The following NRG1 variants were observed in gnomAD, a reference collection of about 807,000 sequenced individuals.
The protein encoded by NRG1 is pro-neuregulin-1, membrane-bound isoform.
Under a neutral mutation model 63.8 loss-of-function variants are expected in NRG1, and 18 were observed. The observed-to-expected ratio is 0.28, with a 90% CI of 0.19 to 0.42. The LOEUF (loss-of-function observed/expected upper bound fraction) is 0.42. Ranked by LOEUF, NRG1 falls within the 10% of genes least tolerant of loss-of-function variation. NRG1 has a pLI of 1.00. For missense variants in NRG1, 762 were observed against 814.7 expected (o/e 0.94, Z 0.79); for synonymous variants, 302 against 301.3 (o/e 1.00, Z -0.02).
upstream of NRG1, among the ~76,000 whole-genome samples, chr8:32,547,979 A>T (rs1439149980): frequency 1.3e-5 from 2 of 152,060 alleles, no homozygotes; most frequent in African/African-American, 4.8e-5. Context: ...GGGAGCGGGC[A>T]GCGAGAGCCT....
intron 1 of NRG1, among the ~76,000 whole-genome samples, chr8:32,419,456 G>A (rs1227017695): frequency 6.6e-6 from 1 of 152,030 alleles, no homozygotes; most frequent in Non-Finnish European, 1.5e-5. Flanking sequence ...TCTGTCAAGG[G>A]GCATCACAAG....
chr8:32,091,660 C>G (rs1374788536), intron 1 of NRG1, among the ~76,000 whole-genome samples: 1 of 152,034 alleles, frequency 6.6e-6, no homozygotes, highest in Admixed American at 6.6e-5. Flanking sequence ...GGAGTAGGAG[C>G]TAAAGTCAAG....
chr8:31,720,381 G>A (rs9297179), intron 1 of NRG1, among the ~76,000 whole-genome samples: 67 of 152,230 alleles, frequency 4.4e-4, no homozygotes, highest in African/African-American at 1.5e-3. Context: ...TGTTACATAC[G>A]TAAACATGTG....
At chr8:32,739,816 G>C (rs954344659) in intron 6 of NRG1, among the ~76,000 whole-genome samples, 1 of 152,144 alleles carries the variant, frequency 6.6e-6, no homozygotes, top group African/African-American at 2.4e-5. Flanking sequence ...GTGTGTGTGT[G>C]TCTCTCTTAC....
At position 32,760,416 on chromosome 8, in the gene NRG1, A is replaced by C; in HGVS notation, c.1259+10A>C. On this transcript the variant is annotated intron_variant, in intron 11 of 11. Transcript: ENST00000356819. ...CTCCTCATAGTGAAAGGTAAAACCG[A>C]AGGGCAAAGCTACTGCAGAGGAGAA... is the stretch of plus-strand genomic sequence containing the variant. The C allele has an allele frequency of 2.5e-6, 4 of 1,612,942 alleles. No individual in the cohort carries two copies. Among genetic ancestry groups the C allele is most frequent in the Non-Finnish European group, 3.4e-6 (4 of 1,179,832 alleles).
downstream of NRG1, among the ~76,000 whole-genome samples, chr8:32,772,627 G>A (rs1831889205): frequency 6.6e-6 from 1 of 151,908 alleles, no homozygotes; most frequent in Non-Finnish European, 1.5e-5. Context: ...TGCCTTACTG[G>A]AGGAGCCCTT....
chr8:31,669,665 C>A (rs4370492), intron 1 of NRG1, among the ~76,000 whole-genome samples: 2,739 of 152,302 alleles, frequency 0.018, 90 homozygotes, highest in African/African-American at 0.062. Context: ...ATCACCGTCA[C>A]TCCTGACTCT....
intron 1 of NRG1, among the ~76,000 whole-genome samples, chr8:31,697,115 C>T (rs947565693): frequency 2.6e-5 from 4 of 152,076 alleles, no homozygotes; most frequent in African/African-American, 9.7e-5. Context: ...GGCTCTGAAG[C>T]AATTTAAGCC....
At chr8:32,374,281 G>C (rs1480528144) in intron 1 of NRG1, among the ~76,000 whole-genome samples, 1 of 152,210 alleles carries the variant, frequency 6.6e-6, no homozygotes, top group South Asian at 2.1e-4. Flanking sequence ...GTGCATTGGT[G>C]TGATCTGGGC....
intron 1 of NRG1, among the ~76,000 whole-genome samples, chr8:31,768,871 C>T (rs1188312590): frequency 1.3e-5 from 2 of 152,180 alleles, no homozygotes; most frequent in Non-Finnish European, 2.9e-5. Flanking sequence ...TTCCTGGAAT[C>T]CACAGTTATC....
intron 1 of NRG1, among the ~76,000 whole-genome samples, chr8:32,534,439 G>C (rs1831758856): frequency 6.6e-6 from 1 of 152,116 alleles, no homozygotes; most frequent in South Asian, 2.1e-4. Flanking sequence ...TGTAAAATTA[G>C]TTATAGGCTT....
chr8:32,634,441 T>G (rs1263056341), intron 5 of NRG1, among the ~76,000 whole-genome samples: 1 of 152,222 alleles, frequency 6.6e-6, no homozygotes, highest in African/African-American at 2.4e-5. Flanking sequence ...TTTAGTATGT[T>G]AAATTATTTT....
intron 7 of NRG1, among the ~76,000 whole-genome samples, chr8:32,751,443 C>T (rs1005805725): frequency 1.3e-5 from 2 of 152,162 alleles, no homozygotes; most frequent in Non-Finnish European, 2.9e-5. Flanking sequence ...CTAATTTGCT[C>T]TTCCCCAGTT....
At chr8:32,339,989 A>G (rs984547088) in intron 1 of NRG1, among the ~76,000 whole-genome samples, 1 of 152,140 alleles carries the variant, frequency 6.6e-6, no homozygotes, top group African/African-American at 2.4e-5. Context: ...TCAGACAGGA[A>G]TGACTGCAAG....
At chr8:31,810,298 C>T (rs1033915633) in intron 1 of NRG1, among the ~76,000 whole-genome samples, 7 of 152,038 alleles carry the variant, frequency 4.6e-5, no homozygotes, top group Non-Finnish European at 7.4e-5. Context: ...ATGTATTCAG[C>T]GGCCTCAGAG....
intron 1 of NRG1, among the ~76,000 whole-genome samples, chr8:32,239,752 A>G (rs1847922979): frequency 6.6e-6 from 1 of 152,190 alleles, no homozygotes; most frequent in South Asian, 2.1e-4. Context: ...GGCAAGAAAC[A>G]TAAACAGAAA....
chr8:32,304,228 T>C (rs1255060905), intron 1 of NRG1, among the ~76,000 whole-genome samples: 1 of 152,236 alleles, frequency 6.6e-6, no homozygotes, highest in Non-Finnish European at 1.5e-5. Flanking sequence ...TTCATCAAAG[T>C]ACCAGTGAAT....
At chr8:32,432,499 G>GGATTTT (rs1554540305) in intron 1 of NRG1, among the ~76,000 whole-genome samples, 42 of 151,836 alleles carry the variant, frequency 2.8e-4, no homozygotes, top group Non-Finnish European at 5.9e-5. Flanking sequence ...TTATCACACC[G>GGATTTT]GTTTTTGTTT....
At chr8:32,332,425 C>G (rs1802763468) in intron 1 of NRG1, among the ~76,000 whole-genome samples, 1 of 152,012 alleles carries the variant, frequency 6.6e-6, no homozygotes. Context: ...CCCTTCTTGA[C>G]AGCTGCAGAT....
Sources: gnomAD v4.1 joint callset for allele counts (sites outside exome capture counted in the v4.1 genomes callset) on GRCh38, gnomAD v4.1.1 for gene constraint, MANE v1.5 for transcripts, NCBI Gene and HGNC (gene_info 2026-07-23, HGNC 2026-07-21) for gene names.